Variants in GCN1 observed in about 807,000 individuals in gnomAD.
The protein encoded by GCN1 is stalled ribosome sensor GCN1.
In GCN1, 90 loss-of-function variants were observed where a neutral mutation model predicts 288.4. The ratio of observed to expected loss-of-function variants is 0.31; its 90% CI spans 0.26 to 0.37. The LOEUF (loss-of-function observed/expected upper bound fraction) is 0.37, where lower values mean the gene tolerates loss of function less well. GCN1 is among the 10% of genes least tolerant of loss of function. The pLI, the probability that GCN1 is intolerant of heterozygous loss-of-function variation, is 1.00. For missense variants in GCN1, 2,586 were observed against 3,419.9 expected (o/e 0.76, Z 6.08); for synonymous variants, 1,386 against 1,420.2 (o/e 0.98, Z 0.54).
intron 5 of GCN1, 128 bp downstream of exon 5, chr12:120,183,441 C>A (rs60937420): frequency 1.2e-5 from 8 of 690,800 alleles, no homozygotes; most frequent in Admixed American, 2.0e-5. Context: ...CCACACACCT[C>A]GGGACAACTC....
Position 120,151,151 on chromosome 12 carries a change from G to A in GCN1, c.4303C>T (p.Arg1435Ter). 2 of 1,612,976 alleles carry A rather than the reference G, an allele frequency of 1.2e-6. No homozygotes were observed. The highest frequency in any genetic ancestry group is 1.7e-6 in the Non-Finnish European group (2 of 1,179,864). Residue 1435 changes from arginine to a stop codon, truncating the protein, a stop_gained, in exon 34 of 58, where the codon CGA (arginine) becomes TGA (stop). Coordinates refer to ENST00000300648, the MANE Select transcript of GCN1 (RefSeq NM_006836.2). LOFTEE classifies it high-confidence loss of function. ...AIQDKKNFRR[R>*]EGALFAFEML... The stretch of plus-strand genomic sequence containing the variant: ...CAAGCTCAGAGATGCTCACCCTCTC[G>A]CCGGCGGAAGTTCTTCTTATCTTGG...
chr12:120,157,358 A>T (rs1877782666), intron 26 of GCN1, among the ~76,000 whole-genome samples: 1 of 152,230 alleles, frequency 6.6e-6, no homozygotes, highest in South Asian at 2.1e-4. Context: ...AGGCTTTGAG[A>T]AAAGAAAACT....
chr12:120,165,822 T>C (rs935105230), intron 16 of GCN1, among the ~76,000 whole-genome samples: 2 of 151,362 alleles, frequency 1.3e-5, no homozygotes, highest in African/African-American at 4.9e-5. Context: ...GACGGAGTCT[T>C]GCTCTGTCAC....
rs929224166 is a variant in GCN1, at chr12:120,131,291, C to T, written c.7457G>A (p.Ser2486Asn). The stretch of plus-strand genomic sequence containing the variant: ...ATTCACAGCCACGGAAAGTGCCAGG[C>T]TCCGCCCGTGCCGAACCATCCAGTC... ...GIDWMVRHGR[S>N]LALSVAVNVA... Residue 2486 changes from serine to asparagine, a missense_variant, in exon 55 of 58, where the codon AGC becomes AAC. By Grantham distance (46) the Ser-to-Asn change is conservative. This residue lies in a region of GCN1 where 355 missense variants were observed against 431.1 expected (regional missense o/e 0.82). Transcript: ENST00000300648. The T allele has an allele frequency of 2.5e-6, 4 of 1,614,072 alleles. No homozygotes were observed. Among genetic ancestry groups the T allele is most frequent in the South Asian group, 1.1e-5 (1 of 91,084 alleles).
rs1254335485 is a variant in GCN1 at position 120,157,851 on chromosome 12, C to A, written c.3085G>T (p.Glu1029Ter). The part of the protein sequence containing the change: ...SPNTPPGRVD[E>*]NGPELLPRVA... The stretch of plus-strand genomic sequence containing the variant: ...GAGAGCAGAGCTTCCCTGCCAACCT[C>A]GTCCACCCGCCCGGGTGGGGTGTTG... The change falls in exon 26 of 58, where the codon GAG becomes TAG. Residue 1029 changes from glutamate to a stop codon, truncating the protein, a stop_gained and splice_region_variant. Transcript: ENST00000300648. LOFTEE classifies it high-confidence loss of function. 1 of 1,612,480 alleles carries A rather than the reference C, an allele frequency of 6.2e-7. No individual in the cohort carries two copies. The highest frequency in any genetic ancestry group is 8.5e-7 in the Non-Finnish European group (1 of 1,179,006).
intron 34 of GCN1, among the ~76,000 whole-genome samples, chr12:120,150,546 G>A (rs1877508762): frequency 6.6e-6 from 1 of 151,672 alleles, no homozygotes; most frequent in Admixed American, 6.6e-5. Context: ...AGTGAGCCGA[G>A]ATTGTGCCTG....
chr12:120,140,656 A>C (rs1253597047), intron 45 of GCN1, among the ~76,000 whole-genome samples: 1 of 152,216 alleles, frequency 6.6e-6, no homozygotes, highest in African/African-American at 2.4e-5. Context: ...CTTAGCTCTT[A>C]GCCTGCAAAA....
chr12:120,137,274 T>C lies in GCN1; in HGVS notation c.6709A>G (p.Lys2237Glu), dbSNP rs747799956. The C allele has an allele frequency of 1.2e-6, 2 of 1,614,156 alleles. No individual in the cohort carries two copies. The highest frequency in any genetic ancestry group is 1.7e-5 in the Admixed American group (1 of 60,018). ...TCGTTCCCTATGAGCCGGATTTCCT[T>C]GTGCAGCTCTTCAATGAGTGCCAAC... is the stretch of plus-strand genomic sequence containing the variant. ...NQLALIEELH[K>E]EIRLIGNESK... The change falls in exon 50 of 58, where the codon AAG (lysine) becomes GAG (glutamate). Residue 2237 changes from lysine (K) to glutamate (E), a missense_variant. Transcript: ENST00000300648. The surrounding 1 kb of genome is among the most constrained non-coding windows in gnomAD (Gnocchi z 5.2).
rs115556637 is a variant in GCN1 at position 120,172,362 on chromosome 12, T to C, written c.1366+1291A>G. ...GAGACATATTTCAGAAAAAGATATA[T>C]TGCTTTCAAATCAGTGCAAAAATCT... On this transcript the variant is annotated intron_variant, in intron 14 of 57. Coordinates refer to ENST00000300648, the MANE Select transcript of GCN1 (RefSeq NM_006836.2). Among the ~76,000 whole-genome samples, 789 of 152,302 alleles carry C rather than the reference T, an allele frequency of 5.2e-3. 8 individuals carry two copies. The highest frequency in any genetic ancestry group is 0.018 in the African/African-American group (756 of 41,546).
At chr12:120,175,258 T>A (rs1878444536) in intron 11 of GCN1, 46 bp from the exon 12 acceptor site, 1 of 1,534,626 alleles carries the variant, frequency 6.5e-7, no homozygotes, top group Non-Finnish European at 9.0e-7. Flanking sequence ...ATGCCACATT[T>A]CCCAAGAGAG....
intron 2 of GCN1, among the ~76,000 whole-genome samples, chr12:120,188,365 C>T (rs987768416): frequency 1.1e-4 from 16 of 141,856 alleles, no homozygotes; most frequent in Admixed American, 1.0e-3. Flanking sequence ...ACCCGGGAGG[C>T]GGAGGTTGCA....
chr12:120,153,864 G>A lies in GCN1; in HGVS notation c.3747C>T (p.Asp1249=). The A allele has an allele frequency of 6.2e-7, 1 of 1,613,944 alleles. No individual in the cohort carries two copies. Among genetic ancestry groups the A allele is most frequent in the Non-Finnish European group, 8.5e-7 (1 of 1,179,828 alleles). The change falls in exon 32 of 58, where the codon GAC becomes GAT. Residue 1249 remains aspartate (D), a synonymous_variant. Coordinates refer to ENST00000300648, the MANE Select transcript of GCN1 (RefSeq NM_006836.2). This position sits in a 1 kb window ranked among gnomAD's most constrained non-coding sequence, Gnocchi z 4.4. The stretch of plus-strand genomic sequence containing the variant: ...GAAAGAGTGGCTTCACCTGAGAGCT[G>A]TCCAAATACTGGGAGAGCTTGTTGA... ...LALNKLSQYL[D]SSQVKPLFQF... is the part of the protein sequence containing the mutation.
At chr12:120,190,740 C>G (rs1331193022) in intron 1 of GCN1, among the ~76,000 whole-genome samples, 2 of 152,122 alleles carry the variant, frequency 1.3e-5, no homozygotes, top group African/African-American at 4.8e-5. Flanking sequence ...TAAACTTTGG[C>G]AATAAGAGGA....
chr12:120,170,879 A>T (rs780505430), intron 14 of GCN1, among the ~76,000 whole-genome samples: 20 of 150,494 alleles, frequency 1.3e-4, no homozygotes, highest in Non-Finnish European at 2.4e-4. Flanking sequence ...AAAAAAAGGA[A>T]GCCAAGCACA....
At chr12:120,128,628 C>T (rs570174955) in intron 57 of GCN1, among the ~76,000 whole-genome samples, 31 of 152,132 alleles carry the variant, frequency 2.0e-4, no homozygotes, top group African/African-American at 5.1e-4. Context: ...TGAGCCACCG[C>T]GGCTGGCCAG....
chr12:120,184,753 C>G, intron 3 of GCN1, 71 bp downstream of exon 3: 1 of 1,130,344 alleles, frequency 8.8e-7, no homozygotes, highest in Non-Finnish European at 1.3e-6. Flanking sequence ...CTAATCTGGG[C>G]TCTAACCACT....
intron 22 of GCN1, among the ~76,000 whole-genome samples, chr12:120,160,985 T>C (rs531790012): frequency 6.6e-6 from 1 of 152,264 alleles, no homozygotes; most frequent in East Asian, 1.9e-4. Flanking sequence ...ACATGTGGAC[T>C]GAGATGAGAA....
In GCN1 at chr12:120,153,359, C is replaced by T. The variant is rs981778548; in HGVS notation, c.3916G>A (p.Ala1306Thr). 19 of 1,614,188 alleles carry T rather than the reference C, an allele frequency of 1.2e-5. No homozygotes were observed. Among genetic ancestry groups the T allele is most frequent in the Middle Eastern group, 1.6e-4 (1 of 6,062 alleles). The stretch of plus-strand genomic sequence containing the variant: ...GCATCATAGCTGGCATCATTGGGCG[C>T]GTTCTTCAGGAACTCCTCGAATACT... Reference protein sequence around the residue: ...LPVFEEFLKNAPNDASYDAVR... With the variant: ...LPVFEEFLKNTPNDASYDAVR... Residue 1306 changes from alanine to threonine, a missense_variant, in exon 33 of 58, where the codon GCG becomes ACG. Physicochemically the swap from Ala to Thr is moderately conservative, Grantham distance 58 (BLOSUM62 0). Coordinates refer to ENST00000300648, the MANE Select transcript of GCN1 (RefSeq NM_006836.2). This position sits in a 1 kb window ranked among gnomAD's most constrained non-coding sequence, Gnocchi z 4.4.
chr12:120,151,427 G>A (rs563948226), intron 33 of GCN1, 36 bp from the exon 34 acceptor site: 21 of 1,607,478 alleles, frequency 1.3e-5, no homozygotes, highest in Admixed American at 5.0e-5. Flanking sequence ...CTGTGGCTCC[G>A]CTGCAGCCGT....
Sources: gnomAD v4.1 joint callset for allele counts (sites outside exome capture counted in the v4.1 genomes callset) on GRCh38, gnomAD v4.1.1 for gene constraint, gnomAD v4.1.1 regional missense constraint, Gnocchi (gnomAD v3.1) non-coding constraint, MANE v1.5 for transcripts, NCBI Gene and HGNC (gene_info 2026-07-23, HGNC 2026-07-21) for gene names.